Variants in CSMD1 observed in about 807,000 individuals in gnomAD.
CSMD1 encodes the protein CUB and sushi domain-containing protein 1.
Under a neutral mutation model 417.5 loss-of-function variants are expected in CSMD1, and 213 were observed. That is an observed-to-expected ratio of 0.51 (90% CI 0.46 to 0.57). The LOEUF is 0.57. Among genes scored for constraint, CSMD1 ranks in the 20% least tolerant of loss-of-function variants. CSMD1 has a pLI of 0.00. For synonymous variants in CSMD1, 2,862 were observed against 1,736.8 expected (o/e 1.65, Z -16.11); for missense variants, 6,923 against 4,529.7 (o/e 1.53, Z -15.17).
chr8:3,863,098 CT>C (rs1370079903), intron 5 of CSMD1, among the ~76,000 whole-genome samples: 2 of 151,766 alleles, frequency 1.3e-5, no homozygotes, highest in Non-Finnish European at 2.9e-5. Flanking sequence ...ATCCCTCAAG[CT>C]TTTTTAAAGG....
intron 7 of CSMD1, among the ~76,000 whole-genome samples, chr8:3,624,302 T>A (rs1796392134): frequency 6.6e-6 from 1 of 152,166 alleles, no homozygotes; most frequent in African/African-American, 2.4e-5. Context: ...GAGAAAGACT[T>A]TCCATGGAGA....
chr8:3,210,802 T>C (rs1797560457), intron 30 of CSMD1, among the ~76,000 whole-genome samples: 1 of 151,742 alleles, frequency 6.6e-6, no homozygotes, highest in Non-Finnish European at 1.5e-5. Flanking sequence ...GGCTAAAGTT[T>C]TATCACTCCC....
chr8:3,507,853 G>C (rs1366486408), intron 10 of CSMD1, among the ~76,000 whole-genome samples: 2 of 151,942 alleles, frequency 1.3e-5, no homozygotes, highest in African/African-American at 4.8e-5. Flanking sequence ...TGATGGGGTT[G>C]TTTGTTTTTT....
chr8:3,177,711 T>G (rs770591561), intron 37 of CSMD1, among the ~76,000 whole-genome samples: 1 of 152,146 alleles, frequency 6.6e-6, no homozygotes, highest in African/African-American at 2.4e-5. Flanking sequence ...GTGTTCAATC[T>G]TGTTGTTCCT....
At chr8:4,543,908 A>G (rs13276912) in intron 2 of CSMD1, among the ~76,000 whole-genome samples, 140,690 of 152,128 alleles carry the variant, frequency 0.92, 66,047 homozygotes, top group East Asian at 1. Flanking sequence ...TTTTCATATG[A>G]TAATTTGACA....
intron 5 of CSMD1, among the ~76,000 whole-genome samples, chr8:3,812,926 T>G (rs1330589467): frequency 6.6e-6 from 1 of 152,200 alleles, no homozygotes; most frequent in Non-Finnish European, 1.5e-5. Flanking sequence ...TTTGTCCTCT[T>G]TGATAACGTC....
intron 3 of CSMD1, among the ~76,000 whole-genome samples, chr8:4,240,444 A>C (rs1802327888): frequency 6.6e-6 from 1 of 152,192 alleles, no homozygotes; most frequent in Non-Finnish European, 1.5e-5. Context: ...TTCACTTGTG[A>C]ACTTATTTCC....
chr8:4,915,043 G>A (rs989695809), intron 1 of CSMD1, among the ~76,000 whole-genome samples: 3 of 152,166 alleles, frequency 2.0e-5, no homozygotes, highest in Non-Finnish European at 4.4e-5. Context: ...TGCACGTGTG[G>A]AGGGAATAGA....
At chr8:3,513,145 T>C (rs1395267453) in intron 10 of CSMD1, among the ~76,000 whole-genome samples, 1 of 152,116 alleles carries the variant, frequency 6.6e-6, no homozygotes, top group Non-Finnish European at 1.5e-5. Flanking sequence ...TTATATGCCT[T>C]TATGGATTCA....
intron 1 of CSMD1, among the ~76,000 whole-genome samples, chr8:4,689,462 T>A (rs995310555): frequency 2.0e-4 from 30 of 152,164 alleles, no homozygotes; most frequent in African/African-American, 7.2e-4. Context: ...ATTAGAAGGA[T>A]TTGTGGGGAA....
intron 7 of CSMD1, among the ~76,000 whole-genome samples, chr8:3,626,530 T>C (rs1353328047): frequency 6.6e-6 from 1 of 151,950 alleles, no homozygotes; most frequent in Non-Finnish European, 1.5e-5. Flanking sequence ...TGTATTTAAA[T>C]ATTTATGTAA....
chr8:3,640,372 A>G (rs567397056), intron 7 of CSMD1, among the ~76,000 whole-genome samples: 2 of 152,364 alleles, frequency 1.3e-5, no homozygotes, highest in South Asian at 2.1e-4. Flanking sequence ...AGGCATTGTC[A>G]AATATTCAAT....
chr8:4,024,572 A>G (rs1469917901), intron 4 of CSMD1, among the ~76,000 whole-genome samples: 2 of 152,170 alleles, frequency 1.3e-5, no homozygotes, highest in Non-Finnish European at 2.9e-5. Context: ...TTTCACCCTT[A>G]TTACAGAAAT....
At position 3,671,457 on chromosome 8, in the gene CSMD1, T is replaced by C. The variant is rs1021672425; in HGVS notation, c.1009+36957A>G. On this transcript the variant is annotated intron_variant, in intron 7 of 69. Coordinates refer to ENST00000635120, the MANE Select transcript of CSMD1 (RefSeq NM_033225.6). Reference sequence around the variant, plus strand: ...TAGTCACATATAATCATATATATAATCATACACATATAATCATATATATAC... The same window carrying C: ...TAGTCACATATAATCATATATATAACCATACACATATAATCATATATATAC... Among the ~76,000 whole-genome samples, 55 of 140,196 alleles carry C rather than the reference T, an allele frequency of 3.9e-4. 6 individuals are homozygous for C. The highest frequency in any genetic ancestry group is 6.9e-4 in the Non-Finnish European group (45 of 65,332). 92.0% of individuals were successfully genotyped at this position (140,196 alleles called of 152,430 possible). A position where few individuals can be genotyped will look rare whatever the true frequency, so the allele number is the denominator to read the frequency against.
At chr8:4,729,365 G>C (rs1053267057) in intron 1 of CSMD1, among the ~76,000 whole-genome samples, 11 of 152,162 alleles carry the variant, frequency 7.2e-5, no homozygotes, top group Non-Finnish European at 1.0e-4. Flanking sequence ...ATTGCAGTAG[G>C]TTCAAGAGAG....
rs745481829 is a variant in CSMD1 at position 3,409,623 on chromosome 8, A to C, written c.1562-18T>G. ...TTCAATTTCTGAAAATGGAAAAACA[A>C]ATGAACCCTTAAAAAAACACACACA... On this transcript the variant is annotated intron_variant, in intron 12 of 69. Coordinates refer to ENST00000635120, the MANE Select transcript of CSMD1 (RefSeq NM_033225.6). The C allele has an allele frequency of 1.3e-6, 2 of 1,546,562 alleles. No individual in the cohort carries two copies.
chr8:4,355,873 C>T (rs541730090), intron 3 of CSMD1, among the ~76,000 whole-genome samples: 1 of 152,172 alleles, frequency 6.6e-6, no homozygotes, highest in Non-Finnish European at 1.5e-5. Context: ...GGAACCAGGC[C>T]TTGCCATTTA....
intron 2 of CSMD1, among the ~76,000 whole-genome samples, chr8:4,522,989 C>A (rs1803554177): frequency 6.6e-6 from 1 of 152,094 alleles, no homozygotes; most frequent in Non-Finnish European, 1.5e-5. Context: ...TTCAAAGTCC[C>A]CCAAGTACTA....
chr8:3,985,426 C>G (rs762470331), intron 5 of CSMD1, among the ~76,000 whole-genome samples: 5 of 152,012 alleles, frequency 3.3e-5, no homozygotes, highest in Non-Finnish European at 7.4e-5. Flanking sequence ...CTTATGTGCA[C>G]ACACACACAA....
Sources: gnomAD v4.1 joint callset for allele counts (sites outside exome capture counted in the v4.1 genomes callset) on GRCh38, gnomAD v4.1.1 for gene constraint, MANE v1.5 for transcripts, NCBI Gene and HGNC (gene_info 2026-07-23, HGNC 2026-07-21) for gene names.